Variants in HPSE2 observed in about 807,000 individuals in gnomAD.
HPSE2 encodes heparanase 2 (inactive).
A neutral mutation model predicts 60.5 loss-of-function variants in HPSE2; 38 were observed. The observed-to-expected ratio is 0.63, with a 90% CI of 0.48 to 0.82. The LOEUF is 0.82. Among genes scored for constraint, HPSE2 ranks in the 40% least tolerant of loss-of-function variants. The pLI is 0.00. For missense variants in HPSE2, 713 were observed against 740.4 expected (o/e 0.96, Z 0.43); for synonymous variants, 295 against 293.2 (o/e 1.01, Z -0.06).
chr10:98,907,997 C>G (rs1953871223), intron 3 of HPSE2, among the ~76,000 whole-genome samples: 1 of 152,148 alleles, frequency 6.6e-6, no homozygotes, highest in Admixed American at 6.5e-5. Flanking sequence ...GCTCAGAACA[C>G]TCATTATCAA....
chr10:98,987,583 C>G (rs1026223404), intron 3 of HPSE2, among the ~76,000 whole-genome samples: 3 of 152,122 alleles, frequency 2.0e-5, no homozygotes, highest in African/African-American at 7.2e-5. Flanking sequence ...AAAACTGGCA[C>G]AAGACAGGGA....
intron 3 of HPSE2, among the ~76,000 whole-genome samples, chr10:98,821,657 G>A (rs2134614233): frequency 6.6e-6 from 1 of 152,216 alleles, no homozygotes; most frequent in East Asian, 1.9e-4. Context: ...ACGCCTTTGG[G>A]GTTGTTCGTG....
At chr10:99,108,999 A>C (rs1422862652) in intron 3 of HPSE2, among the ~76,000 whole-genome samples, 1 of 152,096 alleles carries the variant, frequency 6.6e-6, no homozygotes, top group African/African-American at 2.4e-5. Flanking sequence ...TGTTGTCATG[A>C]ATCTCGGTCA....
chr10:99,060,996 A>T (rs943926393), intron 3 of HPSE2, among the ~76,000 whole-genome samples: 52 of 150,808 alleles, frequency 3.4e-4, no homozygotes, highest in African/African-American at 1.2e-3. Flanking sequence ...AAAAATTTAA[A>T]TTTTTTTTTT....
At chr10:98,685,088 C>G (rs1400584559) in intron 6 of HPSE2, among the ~76,000 whole-genome samples, 1 of 152,138 alleles carries the variant, frequency 6.6e-6, no homozygotes, top group African/African-American at 2.4e-5. Context: ...CTGCATTTAA[C>G]AGTTTACTGT....
chr10:98,617,982 C>T (rs1473711329), intron 8 of HPSE2, among the ~76,000 whole-genome samples: 1 of 152,022 alleles, frequency 6.6e-6, no homozygotes, highest in Admixed American at 6.6e-5. Context: ...TGGAAAAATG[C>T]CGTCTTTTCA....
chr10:99,156,502 CAT>C (rs1401543779), intron 2 of HPSE2, among the ~76,000 whole-genome samples: 1 of 131,552 alleles, frequency 7.6e-6, no homozygotes. Flanking sequence ...ACAAAAACCA[CAT>C]GATTATCTCA....
chr10:99,248,769 G>A, the HPSE2 span, among the ~76,000 whole-genome samples: 1 of 152,198 alleles, frequency 6.6e-6, no homozygotes, highest in East Asian at 1.9e-4. Context: ...TGGTTTTGTG[G>A]GCCAGACCCA....
At chr10:98,692,398 T>C (rs191317470) in intron 6 of HPSE2, among the ~76,000 whole-genome samples, 15 of 151,886 alleles carry the variant, frequency 9.9e-5, no homozygotes, top group Admixed American at 9.8e-4. Flanking sequence ...TTGCTCCAAG[T>C]GCAAAGGAGA....
chr10:98,580,836 A>ATATATATATATATATATGTG, intron 9 of HPSE2, among the ~76,000 whole-genome samples: 53 of 119,558 alleles, frequency 4.4e-4, no homozygotes, highest in African/African-American at 1.8e-3. Flanking sequence ...ATATATATAT[A>ATATATATATATATATATGTG]TGTGTGTGTG....
In HPSE2 at chr10:98,975,014, C is replaced by T. The variant is rs182171145; in HGVS notation, c.610+169224G>A. Among the ~76,000 whole-genome samples the T allele has an allele frequency of 1.8e-3, 275 of 152,300 alleles. 1 individual carries two copies. The highest frequency in any genetic ancestry group is 3.0e-3 in the Non-Finnish European group (203 of 68,040). On this transcript the variant is annotated intron_variant, in intron 3 of 11. Coordinates refer to ENST00000370552, the MANE Select transcript of HPSE2 (RefSeq NM_021828.5). ...GCAGATGAAATGTGGGATTTATCAT[C>T]TTTGAATGAATAACAACTGTATGAA...
intron 6 of HPSE2, among the ~76,000 whole-genome samples, chr10:98,652,768 A>G (rs922973180): frequency 1.3e-5 from 2 of 152,220 alleles, no homozygotes; most frequent in African/African-American, 4.8e-5. Flanking sequence ...CTAAAATGTG[A>G]CATGGACTCT....
intron 9 of HPSE2, among the ~76,000 whole-genome samples, chr10:98,568,278 A>G (rs1173224408): frequency 1.3e-5 from 2 of 152,182 alleles, no homozygotes; most frequent in Non-Finnish European, 2.9e-5. Context: ...TAAGTGTATG[A>G]TCCCGAGCAA....
intron 3 of HPSE2, among the ~76,000 whole-genome samples, chr10:99,003,328 T>C (rs1415917364): frequency 2.0e-5 from 3 of 152,132 alleles, no homozygotes; most frequent in Non-Finnish European, 4.4e-5. Context: ...TGCAGATATG[T>C]CTTCAATATA....
chr10:98,673,897 T>C (rs577290616), intron 6 of HPSE2, among the ~76,000 whole-genome samples: 32 of 152,332 alleles, frequency 2.1e-4, no homozygotes, highest in African/African-American at 7.2e-4. Flanking sequence ...TGGAGGAAGA[T>C]GGTGTTAATG....
rs749019315 is a variant in HPSE2 at position 99,235,749 on chromosome 10, G to A, written c.54C>T (p.Pro18=). The part of the protein sequence containing the change: ...PEAMPSSNSR[P]PACLAPGALY... ...GAGCCCCCGGGGCTAGGCACGCGGG[G>A]GGGCGGGAGTTGCTGGAGGGCATGG... The change falls in exon 1 of 12, where the codon CCC becomes CCT. Residue 18 remains proline (P), a synonymous_variant. Coordinates refer to ENST00000370552, the MANE Select transcript of HPSE2 (RefSeq NM_021828.5). 12 of 1,613,948 alleles carry A rather than the reference G, an allele frequency of 7.4e-6. No homozygotes were observed. Among genetic ancestry groups the A allele is most frequent in the Non-Finnish European group, 1.0e-5 (12 of 1,179,980 alleles).
intron 3 of HPSE2, among the ~76,000 whole-genome samples, chr10:98,944,957 A>G (rs932965982): frequency 2.6e-5 from 4 of 152,086 alleles, no homozygotes; most frequent in African/African-American, 9.7e-5. Flanking sequence ...TATGAGTACT[A>G]CATATCTATT....
intron 3 of HPSE2, among the ~76,000 whole-genome samples, chr10:99,099,562 G>A (rs1296741221): frequency 3.3e-5 from 5 of 152,220 alleles, no homozygotes; most frequent in African/African-American, 9.6e-5. Flanking sequence ...CTCCAACCCT[G>A]GGGGCAGGGC....
At chr10:99,288,926 A>T in the HPSE2 span, among the ~76,000 whole-genome samples, 1 of 152,174 alleles carries the variant, frequency 6.6e-6, no homozygotes, top group Non-Finnish European at 1.5e-5. Context: ...ATTATGGTAT[A>T]CTTATATAGT....
Sources: allele counts gnomAD v4.1 joint callset (sites outside exome capture counted in the v4.1 genomes callset), GRCh38; gene constraint gnomAD v4.1.1; transcripts MANE v1.5; gene names NCBI Gene and HGNC (gene_info 2026-07-23, HGNC 2026-07-21).